RAPGEF6: variants seen among roughly 807,000 people sequenced by gnomAD.
RAPGEF6 encodes the protein Rap guanine nucleotide exchange factor 6, also known as PDZ domain containing guanine nucleotide exchange factor (GEF) 2.
Under a neutral mutation model 171.4 loss-of-function variants are expected in RAPGEF6, and 56 were observed. The ratio of observed to expected loss-of-function variants is 0.33; its 90% CI spans 0.26 to 0.41. The LOEUF (loss-of-function observed/expected upper bound fraction) is 0.41, where lower values mean the gene tolerates loss of function less well. RAPGEF6 is among the 10% of genes least tolerant of loss of function. The pLI, the probability that RAPGEF6 is intolerant of heterozygous loss-of-function variation, is 1.00. For missense variants in RAPGEF6, 1,674 were observed against 1,921.4 expected, an observed-to-expected ratio of 0.87 and a Z score of 2.41; for synonymous variants, 692 against 650.1, an observed-to-expected ratio of 1.06 and a Z score of -0.98.
intron 4 of RAPGEF6, among the ~76,000 whole-genome samples, chr5:131,585,804 C>A (rs146554509): frequency 2.0e-5 from 3 of 152,056 alleles, no homozygotes; most frequent in African/African-American, 2.4e-5. Context: ...CCAGCCTGGG[C>A]GGCAAGAGCG....
chr5:131,509,195 T>C (rs1757553505), intron 8 of RAPGEF6, among the ~76,000 whole-genome samples: 1 of 152,180 alleles, frequency 6.6e-6, no homozygotes, highest in Non-Finnish European at 1.5e-5. Flanking sequence ...ACTTCCCAAC[T>C]AAAGTATGGT....
chr5:131,455,327 A>G (rs1371291026), intron 20 of RAPGEF6, among the ~76,000 whole-genome samples: 1 of 152,136 alleles, frequency 6.6e-6, no homozygotes, highest in Non-Finnish European at 1.5e-5. Flanking sequence ...GGCGCCATCT[A>G]GGCTCACTGT....
intron 1 of RAPGEF6, 21 bp from the exon 2 acceptor site, chr5:131,604,714 A>AT (rs1232468247): frequency 2.5e-6 from 4 of 1,585,740 alleles, no homozygotes; most frequent in Non-Finnish European, 3.4e-6. Context: ...GAAGAAAAAA[A>AT]TTAGATTATT....
At chr5:131,492,216 G>A (rs1244815469) in intron 14 of RAPGEF6, among the ~76,000 whole-genome samples, 1 of 152,112 alleles carries the variant, frequency 6.6e-6, no homozygotes, top group Non-Finnish European at 1.5e-5. Context: ...AGGTAGAAGT[G>A]CTGTCTTCTT....
intron 4 of RAPGEF6, among the ~76,000 whole-genome samples, chr5:131,571,973 T>C (rs1013340438): frequency 2.6e-5 from 4 of 152,084 alleles, no homozygotes; most frequent in African/African-American, 9.7e-5. Context: ...CTTTGTAATA[T>C]CCATCCCCTG....
chr5:131,490,491 C>T (rs1415286987), intron 14 of RAPGEF6, among the ~76,000 whole-genome samples: 6 of 151,816 alleles, frequency 4.0e-5, no homozygotes, highest in Admixed American at 3.9e-4. Context: ...AAAACATATC[C>T]CAATGAAATT....
intron 5 of RAPGEF6, among the ~76,000 whole-genome samples, chr5:131,553,827 A>G (rs1761059619): frequency 6.6e-6 from 1 of 152,102 alleles, no homozygotes; most frequent in Non-Finnish European, 1.5e-5. Context: ...GAGTTAGTAA[A>G]CTGGGAAGAT....
intron 6 of RAPGEF6, among the ~76,000 whole-genome samples, chr5:131,537,709 T>C (rs1759861130): frequency 6.6e-6 from 1 of 152,122 alleles, no homozygotes; most frequent in South Asian, 2.1e-4. Flanking sequence ...TCAAAAGATA[T>C]ATACAGTCAG....
intron 4 of RAPGEF6, among the ~76,000 whole-genome samples, chr5:131,591,152 C>A (rs540722655): frequency 6.6e-6 from 1 of 152,244 alleles, no homozygotes; most frequent in East Asian, 1.9e-4. Flanking sequence ...GTCCCATATC[C>A]TGATATTTAT....
chr5:131,588,937 G>C (rs1763426265), intron 4 of RAPGEF6, among the ~76,000 whole-genome samples: 1 of 152,016 alleles, frequency 6.6e-6, no homozygotes, highest in Admixed American at 6.6e-5. Context: ...GGGCATGGTG[G>C]TGCATGCCTG....
chr5:131,435,774 T>C, intron 24 of RAPGEF6: 1 of 1,252,326 alleles, frequency 8.0e-7, no homozygotes, highest in Non-Finnish European at 1.1e-6. Context: ...GAGTATAAAA[T>C]TTACTAACTC....
chr5:131,500,353 G>C (rs1490650263), intron 11 of RAPGEF6, among the ~76,000 whole-genome samples: 1 of 152,068 alleles, frequency 6.6e-6, no homozygotes, highest in Non-Finnish European at 1.5e-5. Context: ...TATTACTCAG[G>C]CCAATCCTGG....
Position 131,425,777 on chromosome 5 carries a change from G to A in RAPGEF6, c.*1489C>T, listed in dbSNP as rs4996522. The A allele has an allele frequency of 0.23, 35,082 of 151,900 alleles. 4,328 individuals are homozygous for A. The highest frequency in any genetic ancestry group is 0.48 in the East Asian group (2,537 of 5,274). 9.4% of individuals were successfully genotyped at this position (151,900 alleles called of 1,614,324 possible). A position where few individuals can be genotyped will look rare whatever the true frequency, so the allele number is the denominator to read the frequency against. On this transcript the variant is annotated 3_prime_UTR_variant, in exon 28 of 28. Coordinates refer to ENST00000509018, the MANE Select transcript of RAPGEF6 (RefSeq NM_016340.6). ...GGGAAAGACAACACATTTCTATAAA[G>A]GAGGCCACAAACCAACTAAATCCTA...
At chr5:131,529,287 C>T (rs1357232572) in intron 6 of RAPGEF6, among the ~76,000 whole-genome samples, 1 of 149,922 alleles carries the variant, frequency 6.7e-6, no homozygotes, top group Non-Finnish European at 1.5e-5. Flanking sequence ...ACCAGCCTGG[C>T]CAACATGGTG....
In RAPGEF6 at chr5:131,464,400, C is replaced by A. The variant is rs922510494; in HGVS notation, c.2240-119G>T. On this transcript the variant is annotated intron_variant, in intron 17 of 27. Transcript: ENST00000509018. The stretch of plus-strand genomic sequence containing the variant: ...CACTGAAATATACATTTCTATTTCA[C>A]AATATTAACAGAAGTCACTGTTGCA... 11 of 719,072 alleles carry A rather than the reference C, an allele frequency of 1.5e-5. No individual in the cohort carries two copies. The African/African-American group carries it at 1.6e-4, about 11-fold the overall frequency. 44.5% of individuals were successfully genotyped at this position (719,072 alleles called of 1,614,324 possible). A position where few individuals can be genotyped will look rare whatever the true frequency, so the allele number is the denominator to read the frequency against.
At chr5:131,428,744 G>T (rs1751520182) in intron 27 of RAPGEF6, among the ~76,000 whole-genome samples, 158 bp downstream of exon 27, 1 of 152,148 alleles carries the variant, frequency 6.6e-6, no homozygotes, top group Admixed American at 6.5e-5. Context: ...TTACAGGTGT[G>T]AGCCACTGCA....
At chr5:131,511,194 T>A (rs1757696117) in intron 7 of RAPGEF6, 1 of 152,132 alleles carries the variant, frequency 6.6e-6, no homozygotes, top group African/African-American at 2.4e-5. Context: ...AAAAACCATA[T>A]ATTAAAAAGT....
At chr5:131,551,778 A>C (rs1760941335) in intron 5 of RAPGEF6, among the ~76,000 whole-genome samples, 1 of 152,186 alleles carries the variant, frequency 6.6e-6, no homozygotes. Flanking sequence ...TAAGTTTCAA[A>C]ATCTTGGGAA....
chr5:131,618,014 C>T (rs1353255062), intron 1 of RAPGEF6, among the ~76,000 whole-genome samples: 1 of 152,154 alleles, frequency 6.6e-6, no homozygotes, highest in Non-Finnish European at 1.5e-5. Flanking sequence ...TCATTTCTCA[C>T]TAAAGGGGAC....
Sources: gnomAD v4.1 joint callset for allele counts (sites outside exome capture counted in the v4.1 genomes callset) on GRCh38, gnomAD v4.1.1 for gene constraint, MANE v1.5 for transcripts, NCBI Gene and HGNC (gene_info 2026-07-23, HGNC 2026-07-21) for gene names.